The following EVI5 variants were observed in gnomAD, a reference collection of about 807,000 sequenced individuals.
EVI5 encodes ecotropic viral integration site 5, also known as ecotropic viral integration site 5 protein homolog.
In EVI5, 73 loss-of-function variants were observed where a neutral mutation model predicts 112.0. The observed-to-expected ratio is 0.65, with a 90% CI of 0.54 to 0.79. The LOEUF (loss-of-function observed/expected upper bound fraction) is 0.79, where lower values mean the gene tolerates loss of function less well. Ranked by LOEUF, EVI5 falls within the 30% of genes least tolerant of loss-of-function variation. EVI5 has a pLI of 0.00. For missense variants in EVI5, 900 were observed against 968.8 expected (o/e 0.93, Z 0.94); for synonymous variants, 305 against 319.9 (o/e 0.95, Z 0.50).
At chr1:92,656,822 G>C (rs1407033384) in intron 13 of EVI5, among the ~76,000 whole-genome samples, 1 of 152,070 alleles carries the variant, frequency 6.6e-6, no homozygotes, top group Non-Finnish European at 1.5e-5. Flanking sequence ...GCTTTCTAAG[G>C]CTGAACTAGG....
At chr1:92,647,705 A>T in intron 13 of EVI5, 2 of 243,650 alleles carry the variant, frequency 8.2e-6, no homozygotes, top group Non-Finnish European at 1.7e-5. Flanking sequence ...GGGGGCAGGA[A>T]GGGTGCTTGG....
chr1:92,554,327 A>T (rs953159601), intron 19 of EVI5, among the ~76,000 whole-genome samples: 5 of 152,200 alleles, frequency 3.3e-5, no homozygotes, highest in African/African-American at 1.2e-4. Flanking sequence ...CAGCAGGATC[A>T]TGGTAGGGCA....
chr1:92,676,417 T>TGGGGGGGGGG (rs1666754614), intron 10 of EVI5, among the ~76,000 whole-genome samples: 1 of 34,876 alleles, frequency 2.9e-5, no homozygotes, highest in African/African-American at 1.3e-4. Flanking sequence ...GGGTTGGGGG[T>TGGGGGGGGGG]AGGGGGTGGA....
At chr1:92,782,005 A>C (rs1336687598) in intron 1 of EVI5, among the ~76,000 whole-genome samples, 1 of 149,078 alleles carries the variant, frequency 6.7e-6, no homozygotes, top group Non-Finnish European at 1.5e-5. Flanking sequence ...TCACACCTGT[A>C]ATCCCAGCAC....
intron 8 of EVI5, 121 bp downstream of exon 8, chr1:92,694,178 T>C (rs948663756): frequency 1.6e-6 from 1 of 637,086 alleles, no homozygotes; most frequent in African/African-American, 1.9e-5. Context: ...GGTAGGAGGA[T>C]CACTTGAACC....
intron 19 of EVI5, among the ~76,000 whole-genome samples, chr1:92,535,197 A>T (rs966536231): frequency 6.6e-6 from 1 of 152,240 alleles, no homozygotes; most frequent in Admixed American, 6.5e-5. Flanking sequence ...GAGAAATGCA[A>T]ATCAAAACCA....
chr1:92,743,414 C>T (rs949232993), intron 1 of EVI5, among the ~76,000 whole-genome samples: 2 of 151,586 alleles, frequency 1.3e-5, no homozygotes, highest in East Asian at 1.9e-4. Context: ...GGACATTATA[C>T]GAAGTGAAAA....
chr1:92,620,174 G>A (rs1416333984), intron 16 of EVI5, among the ~76,000 whole-genome samples: 9 of 151,866 alleles, frequency 5.9e-5, no homozygotes, highest in African/African-American at 1.5e-4. Flanking sequence ...GAGAAACCCC[G>A]TCTCTACTAA....
chr1:92,776,146 T>C (rs1684105272), intron 1 of EVI5, among the ~76,000 whole-genome samples: 1 of 151,718 alleles, frequency 6.6e-6, no homozygotes, highest in Non-Finnish European at 1.5e-5. Context: ...GAGCAATATG[T>C]AGAGCTCGCA....
At chr1:92,545,720 T>G (rs1665575943) in intron 19 of EVI5, among the ~76,000 whole-genome samples, 1 of 152,178 alleles carries the variant, frequency 6.6e-6, no homozygotes, top group Admixed American at 6.5e-5. Flanking sequence ...TCTCTATGAA[T>G]GTTATTTTCG....
At chr1:92,718,569 A>T (rs1404878713) in intron 2 of EVI5, among the ~76,000 whole-genome samples, 1 of 152,228 alleles carries the variant, frequency 6.6e-6, no homozygotes, top group Non-Finnish European at 1.5e-5. Context: ...TTATAGCACT[A>T]AATGCCCACA....
chr1:92,727,002 A>G (rs948617688), intron 2 of EVI5, among the ~76,000 whole-genome samples: 2 of 152,200 alleles, frequency 1.3e-5, no homozygotes, highest in Non-Finnish European at 2.9e-5. Flanking sequence ...AGGAAACAAT[A>G]TAAGACAAGT....
rs75214038 is a variant in EVI5 at position 92,680,270 on chromosome 1, A to G, written c.1098-3052T>C. On this transcript the variant is annotated intron_variant, in intron 9 of 19. Transcript: ENST00000684568. ...ATTACTGCGCAGGAGCCAAGAAGGT[A>G]TAAGTTGAACCTGGAATATTTTGTT... is the stretch of plus-strand genomic sequence containing the variant. Among the ~76,000 whole-genome samples the G allele has an allele frequency of 5.9e-5, 9 of 152,352 alleles. No homozygotes were observed. In the East Asian group the frequency reaches 1.4e-3, roughly 23 times the overall value.
intron 19 of EVI5, among the ~76,000 whole-genome samples, chr1:92,539,961 T>C (rs1299411769): frequency 2.0e-5 from 3 of 152,240 alleles, no homozygotes; most frequent in Non-Finnish European, 4.4e-5. Context: ...TCATACAATA[T>C]GTGGCCTTCT....
chr1:92,621,495 G>T (rs1654589646), intron 16 of EVI5, among the ~76,000 whole-genome samples: 1 of 152,112 alleles, frequency 6.6e-6, no homozygotes, highest in African/African-American at 2.4e-5. Context: ...TGTATTTTTA[G>T]TAGAGATGGG....
At chr1:92,783,832 G>T (rs147703518) in intron 1 of EVI5, among the ~76,000 whole-genome samples, 2 of 141,442 alleles carry the variant, frequency 1.4e-5, no homozygotes, top group African/African-American at 5.2e-5. Context: ...AAAAAGAAAA[G>T]AAAAGAAAAA....
intron 19 of EVI5, among the ~76,000 whole-genome samples, chr1:92,551,496 A>C (rs1040423730): frequency 6.6e-6 from 1 of 152,226 alleles, no homozygotes; most frequent in African/African-American, 2.4e-5. Flanking sequence ...AAACCAGAGT[A>C]AGTTCACAAG....
intron 13 of EVI5, among the ~76,000 whole-genome samples, chr1:92,639,535 C>T (rs886644471): frequency 2.0e-5 from 3 of 151,898 alleles, no homozygotes; most frequent in African/African-American, 7.3e-5. Flanking sequence ...CAAATGTATC[C>T]AATATTGCTT....
intron 19 of EVI5, among the ~76,000 whole-genome samples, chr1:92,545,936 A>C (rs1665613318): frequency 6.6e-6 from 1 of 150,942 alleles, no homozygotes; most frequent in African/African-American, 2.4e-5. Flanking sequence ...GCAATCTTCT[A>C]CTCCTTCTCT....
Sources: gnomAD v4.1 joint callset for allele counts (sites outside exome capture counted in the v4.1 genomes callset) on GRCh38, gnomAD v4.1.1 for gene constraint, MANE v1.5 for transcripts, NCBI Gene and HGNC (gene_info 2026-07-23, HGNC 2026-07-21) for gene names.